KCNN2: variants seen among roughly 807,000 people sequenced by gnomAD.
KCNN2 encodes small conductance calcium-activated potassium channel protein 2.
A neutral mutation model predicts 55.5 loss-of-function variants in KCNN2; 24 were observed. The ratio of observed to expected loss-of-function variants is 0.43; its 90% CI spans 0.31 to 0.61. KCNN2 has a LOEUF of 0.61. Among genes scored for constraint, KCNN2 ranks in the 20% least tolerant of loss-of-function variants. KCNN2 has a pLI of 0.08. For missense variants in KCNN2, 754 were observed against 853.6 expected (o/e 0.88, Z 1.45); for synonymous variants, 431 against 336.1 (o/e 1.28, Z -3.09).
At chr5:114,186,862 TAGAA>T (rs986057573) in intron 1 of KCNN2, among the ~76,000 whole-genome samples, 5 of 152,086 alleles carry the variant, frequency 3.3e-5, no homozygotes, top group African/African-American at 1.2e-4. Context: ...TATAAACTGT[TAGAA>T]AGAAGATAAA....
intron 1 of KCNN2, among the ~76,000 whole-genome samples, chr5:114,165,305 C>G (rs980597103): frequency 1.3e-5 from 2 of 152,168 alleles, no homozygotes; most frequent in Admixed American, 1.3e-4. Context: ...CTTCAGCCTA[C>G]TTAACACGAA....
At chr5:114,244,604 G>A (rs1189799738) in intron 2 of KCNN2, among the ~76,000 whole-genome samples, 1 of 151,736 alleles carries the variant, frequency 6.6e-6, no homozygotes, top group Admixed American at 6.6e-5. Context: ...GGGCGGGCAT[G>A]GGGGGTTATT....
At chr5:114,361,697 G>T (rs1208658219), upstream of KCNN2, among the ~76,000 whole-genome samples, 2 of 152,160 alleles carry the variant, frequency 1.3e-5, no homozygotes, top group African/African-American at 4.8e-5. Context: ...CAGGTGATCC[G>T]GGCAGCGCGT....
chr5:114,487,132 C>CA lies in KCNN2; in HGVS notation c.1977dup (p.Val660SerfsTer27). On this transcript the variant is annotated frameshift_variant, in exon 6 of 8. Coordinates refer to ENST00000673685, the MANE Select transcript of KCNN2 (RefSeq NM_021614.4). LOFTEE classifies it high-confidence loss of function. The stretch of plus-strand genomic sequence containing the variant: ...AAGCTAGTGAAAAAGATAGATCATG[C>CA]AAAAGTAAGAAAACATCAACGAAAA... The CA allele has an allele frequency of 6.2e-7, 1 of 1,612,672 alleles. No individual in the cohort carries two copies. The highest frequency in any genetic ancestry group is 8.5e-7 in the Non-Finnish European group (1 of 1,179,002).
chr5:114,135,719 T>C (rs1188572602), intron 1 of KCNN2, among the ~76,000 whole-genome samples: 1 of 152,006 alleles, frequency 6.6e-6, no homozygotes, highest in Non-Finnish European at 1.5e-5. Flanking sequence ...AATACAGAAA[T>C]TAAACAAAAA....
chr5:114,078,302 T>A (rs1750726892), intron 1 of KCNN2, among the ~76,000 whole-genome samples: 2 of 152,220 alleles, frequency 1.3e-5, no homozygotes, highest in Admixed American at 6.5e-5. Flanking sequence ...ATGACCTTGA[T>A]GGAAAATTGA....
In KCNN2 at chr5:114,362,654, G is replaced by C. The variant is rs1757466169; in HGVS notation, c.515G>C (p.Ser172Thr). 4 of 1,345,946 alleles carry C rather than the reference G, an allele frequency of 3.0e-6. No individual in the cohort carries two copies. The highest frequency in any genetic ancestry group is 2.1e-4 in the Middle Eastern group (1 of 4,710). 83.4% of individuals were successfully genotyped at this position (1,345,946 alleles called of 1,614,324 possible). The change falls in exon 1 of 8, where the codon AGC becomes ACC. Residue 172 changes from serine to threonine, a missense_variant. This residue lies in a region of KCNN2 where 381 missense variants were observed against 259.1 expected (regional missense o/e 1.47). Coordinates refer to ENST00000673685, the MANE Select transcript of KCNN2 (RefSeq NM_021614.4). ...CAGCCCGCCGCCAGCCCCACGGGCAGCCTCGGCAGTCTGGGCTCCGGGCCC... is the reference window on the plus strand; with the variant it reads ...CAGCCCGCCGCCAGCCCCACGGGCACCCTCGGCAGTCTGGGCTCCGGGCCC... ...SLQPAASPTGSLGSLGSGPPL... is the reference protein window; with the variant it reads ...SLQPAASPTGTLGSLGSGPPL...
At chr5:114,089,936 C>G (rs1751101369) in intron 1 of KCNN2, among the ~76,000 whole-genome samples, 2 of 152,188 alleles carry the variant, frequency 1.3e-5, no homozygotes, top group South Asian at 4.1e-4. Context: ...TTTCTTAATA[C>G]TTTTATTGTT....
chr5:114,423,205 A>T (rs139007283), intron 3 of KCNN2, among the ~76,000 whole-genome samples: 112 of 152,318 alleles, frequency 7.4e-4, no homozygotes, highest in African/African-American at 2.6e-3. Flanking sequence ...CTGGAACAGA[A>T]CCAGTGATCA....
intron 2 of KCNN2, among the ~76,000 whole-genome samples, chr5:114,355,234 A>G (rs1757275930): frequency 6.6e-6 from 1 of 152,206 alleles, no homozygotes; most frequent in African/African-American, 2.4e-5. Flanking sequence ...GGTAGATAAG[A>G]ATAAGGCAAA....
At chr5:114,403,473 G>T (rs998391671) in intron 2 of KCNN2, among the ~76,000 whole-genome samples, 3 of 152,136 alleles carry the variant, frequency 2.0e-5, no homozygotes, top group African/African-American at 7.2e-5. Flanking sequence ...TTCCTAATAC[G>T]TGGGACTCTC....
At chr5:114,289,369 CTTT>C (rs80026839) in intron 2 of KCNN2, among the ~76,000 whole-genome samples, 8 of 132,082 alleles carry the variant, frequency 6.1e-5, no homozygotes, top group Admixed American at 7.7e-5. Context: ...TTAGAATCAA[CTTT>C]TTTTTTTTTT....
Position 114,104,494 on chromosome 5 carries a change from G to A in KCNN2, c.-271+47994G>A, listed in dbSNP as rs563738246. On this transcript the variant is annotated intron_variant, in intron 1 of 10. Transcript: ENST00000512097. ...TGTCTTTGCTTTGTTAGTTCTTTTG[G>A]TGATGTTAGGGTGTTGATTTTAGAA... is the stretch of plus-strand genomic sequence containing the variant. 2.6e-5 allele frequency among the ~76,000 whole-genome samples: 4 copies of A among 151,920 alleles called. No individual in the cohort carries two copies. The East Asian group carries it at 5.8e-4, about 22-fold the overall frequency.
At chr5:114,064,380 T>C (rs530642989) in intron 1 of KCNN2, among the ~76,000 whole-genome samples, 1 of 152,308 alleles carries the variant, frequency 6.6e-6, no homozygotes, top group South Asian at 2.1e-4. Flanking sequence ...TGGTGGTTTT[T>C]GTGTCCTCCT....
At chr5:114,477,032 A>T (rs1561408642) in intron 5 of KCNN2, among the ~76,000 whole-genome samples, 3 of 152,218 alleles carry the variant, frequency 2.0e-5, no homozygotes, top group Admixed American at 2.0e-4. Context: ...ATTTGTGAAT[A>T]ATTAAAAGTA....
intron 1 of KCNN2, among the ~76,000 whole-genome samples, chr5:114,112,676 A>G (rs1751624460): frequency 6.6e-6 from 1 of 151,442 alleles, no homozygotes; most frequent in African/African-American, 2.4e-5. Context: ...TTGTATTTGT[A>G]TTACAAACCT....
At chr5:114,446,334 T>C (rs1760406418) in intron 3 of KCNN2, among the ~76,000 whole-genome samples, 1 of 152,238 alleles carries the variant, frequency 6.6e-6, no homozygotes, top group Non-Finnish European at 1.5e-5. Flanking sequence ...TAGTGAATCT[T>C]AATGGCTAAA....
chr5:114,189,133 A>AGTGTGTGTGTGTGTGTGTGT (rs34640722), intron 1 of KCNN2, among the ~76,000 whole-genome samples: 140 of 149,994 alleles, frequency 9.3e-4, no homozygotes, highest in Non-Finnish European at 1.5e-3. Context: ...TAGAACCAAT[A>AGTGTGTGTGTGTGTGTGTGT]GTGTGTGTGT....
chr5:114,166,952 T>A (rs1339143521), intron 1 of KCNN2, among the ~76,000 whole-genome samples: 1 of 152,104 alleles, frequency 6.6e-6, no homozygotes. Flanking sequence ...AATTGGTCCC[T>A]CATCAGACAG....
Sources: gnomAD v4.1 joint callset for allele counts (sites outside exome capture counted in the v4.1 genomes callset) on GRCh38, gnomAD v4.1.1 for gene constraint, gnomAD v4.1.1 regional missense constraint, MANE v1.5 for transcripts, NCBI Gene and HGNC (gene_info 2026-07-23, HGNC 2026-07-21) for gene names.